Variants in BMAL1 observed in about 807,000 individuals in gnomAD.
BMAL1 encodes the protein basic helix-loop-helix ARNT like 1.
the BMAL1 span, among the ~76,000 whole-genome samples, chr11:13,319,817 A>T: frequency 6.6e-6 from 1 of 152,304 alleles, no homozygotes; most frequent in Admixed American, 6.5e-5. Flanking sequence ...AGCCATTAAT[A>T]CTGAGGCTGG....
At chr11:13,374,329 C>A in the BMAL1 span, 3 of 792,792 alleles carry the variant, frequency 3.8e-6, no homozygotes, top group South Asian at 1.6e-5. Context: ...CTCTTCAGGT[C>A]AGAACATCTG....
the BMAL1 span, among the ~76,000 whole-genome samples, chr11:13,348,068 T>C: frequency 6.6e-6 from 1 of 152,130 alleles, no homozygotes; most frequent in South Asian, 2.1e-4. Flanking sequence ...TGAAGGAGCC[T>C]GGGCAGGAGC....
the BMAL1 span, among the ~76,000 whole-genome samples, chr11:13,310,289 G>A: frequency 6.6e-6 from 1 of 152,148 alleles, no homozygotes; most frequent in African/African-American, 2.4e-5. Flanking sequence ...AGGGGTGCGG[G>A]GGATGGATGC....
the BMAL1 span, among the ~76,000 whole-genome samples, chr11:13,342,850 A>G: frequency 6.6e-6 from 1 of 152,212 alleles, no homozygotes; most frequent in Non-Finnish European, 1.5e-5. Flanking sequence ...TTCCCATTAT[A>G]CAAAATCTCT....
chr11:13,300,315 G>A, the BMAL1 span, among the ~76,000 whole-genome samples: 3 of 152,206 alleles, frequency 2.0e-5, no homozygotes, highest in South Asian at 6.2e-4. Flanking sequence ...CATTTCATTA[G>A]TTGGCATTTG....
At chr11:13,303,243 A>G in the BMAL1 span, among the ~76,000 whole-genome samples, 4 of 152,182 alleles carry the variant, frequency 2.6e-5, no homozygotes, top group South Asian at 8.3e-4. Flanking sequence ...TCATTCATTC[A>G]TTGGCAACAA....
At chr11:13,305,721 G>A in the BMAL1 span, among the ~76,000 whole-genome samples, 3 of 152,138 alleles carry the variant, frequency 2.0e-5, no homozygotes, top group Admixed American at 1.3e-4. Context: ...TAAGTGTAAG[G>A]TCAGCTGTGG....
chr11:13,318,411 A>G, the BMAL1 span, among the ~76,000 whole-genome samples: 55 of 152,340 alleles, frequency 3.6e-4, no homozygotes, highest in Middle Eastern at 0.014. Flanking sequence ...CAAGGCTTAT[A>G]TAGCAACATA....
chr11:13,366,297 G>A, the BMAL1 span, among the ~76,000 whole-genome samples: 1 of 152,214 alleles, frequency 6.6e-6, no homozygotes, highest in Non-Finnish European at 1.5e-5. Context: ...CAAGGTGACT[G>A]AAGCATATGA....
chr11:13,359,045 C>T, the BMAL1 span, among the ~76,000 whole-genome samples: 9 of 152,184 alleles, frequency 5.9e-5, no homozygotes, highest in South Asian at 2.1e-4. Flanking sequence ...TGGGTTCTCG[C>T]GACATTTTGT....
chr11:13,378,528 T>C, the BMAL1 span: 2 of 1,542,266 alleles, frequency 1.3e-6, no homozygotes, highest in Non-Finnish European at 1.8e-6. Flanking sequence ...TATTTTGCAA[T>C]GTCAGGAGAC....
the BMAL1 span, among the ~76,000 whole-genome samples, chr11:13,301,010 T>C: frequency 6.6e-6 from 1 of 152,214 alleles, no homozygotes; most frequent in Non-Finnish European, 1.5e-5. Flanking sequence ...TGATCTTGGC[T>C]CACTGCAACT....
chr11:13,372,557 C>T, the BMAL1 span: 2 of 1,292,594 alleles, frequency 1.5e-6, no homozygotes, highest in Non-Finnish European at 2.1e-6. Context: ...CACCTCAAAT[C>T]CCAGCACTTT....
the BMAL1 span, among the ~76,000 whole-genome samples, chr11:13,362,637 C>G: frequency 6.6e-6 from 1 of 152,086 alleles, no homozygotes; most frequent in African/African-American, 2.4e-5. Context: ...CTACCACTCT[C>G]AGGACACAGT....
chr11:13,378,818 T>C, the BMAL1 span: 4 of 216,396 alleles, frequency 1.8e-5, no homozygotes, highest in Non-Finnish European at 2.7e-5. Context: ...TAGATGTACC[T>C]TTACTTTACA....
the BMAL1 span, among the ~76,000 whole-genome samples, chr11:13,288,394 T>TC: frequency 1.5e-3 from 66 of 43,336 alleles, no homozygotes; most frequent in African/African-American, 3.5e-3. Flanking sequence ...GGATTTTCTT[T>TC]TTTCTTTCTT....
chr11:13,297,797 A>G, the BMAL1 span, among the ~76,000 whole-genome samples: 6 of 152,152 alleles, frequency 3.9e-5, no homozygotes, highest in African/African-American at 1.4e-4. Flanking sequence ...TTGAGCCTCA[A>G]TCTCTTATTC....
chr11:13,284,125 T>TGG, the BMAL1 span, among the ~76,000 whole-genome samples: 1 of 107,396 alleles, frequency 9.3e-6, no homozygotes, highest in Non-Finnish European at 1.8e-5. Flanking sequence ...TATATGTGTG[T>TGG]GTGTATATAT....
chr11:13,354,207 A>G, the BMAL1 span: 14 of 205,814 alleles, frequency 6.8e-5, no homozygotes, highest in South Asian at 6.2e-4. Context: ...CCGGCCCCCC[A>G]CCACCAAACC....
Sources: allele counts gnomAD v4.1 joint callset (sites outside exome capture counted in the v4.1 genomes callset), GRCh38; gene constraint gnomAD v4.1.1; transcripts MANE v1.5; gene names NCBI Gene and HGNC (gene_info 2026-07-23, HGNC 2026-07-21).